Variants in LHFPL1 observed in about 807,000 individuals in gnomAD.
LHFPL1 encodes LHFPL tetraspan subfamily member 1, also known as LHFPL tetraspan subfamily member 1 protein.
In LHFPL1, 4 loss-of-function variants were observed where a neutral mutation model predicts 12.1. The ratio of observed to expected loss-of-function variants is 0.33; its 90% CI spans 0.16 to 0.76. The LOEUF (loss-of-function observed/expected upper bound fraction) is 0.76, where lower values mean the gene tolerates loss of function less well. Ranked by LOEUF, LHFPL1 falls within the 30% of genes least tolerant of loss-of-function variation. LHFPL1 has a pLI of 0.61. For missense variants in LHFPL1, 141 were observed against 174.1 expected (o/e 0.81, Z 1.07); for synonymous variants, 52 against 61.9 (o/e 0.84, Z 0.75).
At chrX:112,643,762 T>C (rs1156526120) in intron 3 of LHFPL1, among the ~76,000 whole-genome samples, 1 of 111,551 alleles carries the variant, frequency 9.0e-6, no homozygotes, top group African/African-American at 3.3e-5. Flanking sequence ...AAATTACTTA[T>C]CTATGGTGAT....
At chrX:112,657,057 T>C (rs965148667) in intron 3 of LHFPL1, among the ~76,000 whole-genome samples, 3 of 112,525 alleles carry the variant, frequency 2.7e-5, no homozygotes, top group East Asian at 2.8e-4. Flanking sequence ...TTTTGCACCA[T>C]TGCAAAGTTG....
intron 3 of LHFPL1, among the ~76,000 whole-genome samples, chrX:112,643,979 T>C (rs1383253255): frequency 7.1e-5 from 8 of 112,090 alleles, no homozygotes; most frequent in Non-Finnish European, 1.5e-4. Flanking sequence ...AGCAGCTGCT[T>C]AAGTTGCCTT....
At chrX:112,641,998 A>C (rs769517875) in intron 3 of LHFPL1, among the ~76,000 whole-genome samples, 7 of 111,481 alleles carry the variant, frequency 6.3e-5, no homozygotes, top group African/African-American at 2.3e-4. Flanking sequence ...CTCACAGTTC[A>C]CCAGGGTGAG....
At chrX:112,669,756 C>T (rs1025119082) in intron 2 of LHFPL1, among the ~76,000 whole-genome samples, 1 of 112,016 alleles carries the variant, frequency 8.9e-6, no homozygotes, top group Non-Finnish European at 1.9e-5. Flanking sequence ...CCCTCACCTT[C>T]ACCCACTTGA....
chrX:112,668,582 T>C (rs1314263745), intron 2 of LHFPL1, among the ~76,000 whole-genome samples: 1 of 112,916 alleles, frequency 8.9e-6, no homozygotes, highest in Non-Finnish European at 1.9e-5. Flanking sequence ...TATGTTCCTA[T>C]GAGCAAGGCT....
At chrX:112,658,426 A>G in intron 3 of LHFPL1, among the ~76,000 whole-genome samples, 1 of 106,213 alleles carries the variant, frequency 9.4e-6, no homozygotes, top group East Asian at 2.9e-4. Flanking sequence ...CTCCATCTCA[A>G]AAAACAAAAA....
intron 1 of LHFPL1, among the ~76,000 whole-genome samples, chrX:112,674,387 G>A (rs1931597051): frequency 9.0e-6 from 1 of 111,532 alleles, no homozygotes; most frequent in Admixed American, 9.5e-5. Context: ...CTTAGGCAAG[G>A]ATTTCATGAC....
At chrX:112,632,133 A>G (rs914910771) in intron 3 of LHFPL1, among the ~76,000 whole-genome samples, 1 of 111,686 alleles carries the variant, frequency 9.0e-6, no homozygotes, top group African/African-American at 3.3e-5. Flanking sequence ...AACCACAGTG[A>G]TAGAATACTG....
At chrX:112,672,437 T>G (rs1753744418) in intron 1 of LHFPL1, among the ~76,000 whole-genome samples, 1 of 110,294 alleles carries the variant, frequency 9.1e-6, no homozygotes, top group South Asian at 3.8e-4. Context: ...CCAACTCCAT[T>G]AATCTGCCAT....
intron 2 of LHFPL1, among the ~76,000 whole-genome samples, chrX:112,669,781 T>C (rs983027852): frequency 3.0e-4 from 33 of 111,644 alleles, no homozygotes; most frequent in African/African-American, 1.0e-3. Context: ...AGTAGGACCT[T>C]CCCCAAGTTG....
At chrX:112,651,888 G>A (rs772442350) in intron 3 of LHFPL1, among the ~76,000 whole-genome samples, 4 of 112,125 alleles carry the variant, frequency 3.6e-5, no homozygotes, top group Non-Finnish European at 3.8e-5. Flanking sequence ...TTGCAGTTAG[G>A]ATAAAATACA....
At chrX:112,667,214 T>C (rs1315024215) in intron 2 of LHFPL1, among the ~76,000 whole-genome samples, 1 of 112,046 alleles carries the variant, frequency 8.9e-6, no homozygotes, top group Non-Finnish European at 1.9e-5. Flanking sequence ...TTGAAGCATG[T>C]AATATTAGGA....
At chrX:112,637,571 A>G (rs1221944806) in intron 3 of LHFPL1, among the ~76,000 whole-genome samples, 2 of 112,166 alleles carry the variant, frequency 1.8e-5, no homozygotes, top group African/African-American at 6.5e-5. Flanking sequence ...AGAATGCTGG[A>G]GAGTGAATCC....
At chrX:112,671,472 G>A in intron 1 of LHFPL1, 68 bp from the exon 2 acceptor site, 2 of 1,199,593 alleles carry the variant, frequency 1.7e-6, no homozygotes, top group Non-Finnish European at 2.2e-6. Context: ...AGGCTCCACT[G>A]GCCTATTTTT....
chrX:112,658,463 AC>A (rs974354152), intron 3 of LHFPL1, among the ~76,000 whole-genome samples: 2 of 109,036 alleles, frequency 1.8e-5, no homozygotes, highest in African/African-American at 3.3e-5. Context: ...AAAAAAAAAA[AC>A]CAAGCAAATG....
chrX:112,663,565 C>T (rs1218779189), intron 2 of LHFPL1, among the ~76,000 whole-genome samples: 1 of 111,743 alleles, frequency 8.9e-6, no homozygotes, highest in Non-Finnish European at 1.9e-5. Flanking sequence ...GCTAATCTCT[C>T]CTTGTTACAG....
In LHFPL1 at chrX:112,671,091, T is replaced by C. The variant is rs1203399156; in HGVS notation, c.300A>G (p.Leu100=). ...CCATGCAGCAACCCAGGACAGCAGC[T>C]AGTGCCACCAGGAGCAGCAGAGCAC... The part of the protein sequence containing the change: ...AGCALLLLVA[L]AAVLGCCMEE... The change falls in exon 2 of 4, where the codon CTA becomes CTG. Residue 100 remains leucine (L), a synonymous_variant. Transcript: ENST00000371968. 1 of 1,210,424 alleles carries C rather than the reference T, an allele frequency of 8.3e-7. No homozygotes were observed. The highest frequency in any genetic ancestry group is 1.7e-5 in the African/African-American group (1 of 57,315).
intron 3 of LHFPL1, among the ~76,000 whole-genome samples, chrX:112,648,264 GTA>G (rs768099369): frequency 5.4e-5 from 6 of 111,053 alleles, no homozygotes; most frequent in Non-Finnish European, 1.1e-4. Flanking sequence ...CATGGCACGT[GTA>G]TACCTATGTA....
At chrX:112,649,416 C>T (rs985143613) in intron 3 of LHFPL1, among the ~76,000 whole-genome samples, 1 of 112,204 alleles carries the variant, frequency 8.9e-6, no homozygotes, top group Admixed American at 9.5e-5. Flanking sequence ...AACCTTTTCA[C>T]TGAAGGCCAT....
Sources: allele counts gnomAD v4.1 joint callset (sites outside exome capture counted in the v4.1 genomes callset), GRCh38; gene constraint gnomAD v4.1.1; transcripts MANE v1.5; gene names NCBI Gene and HGNC (gene_info 2026-07-23, HGNC 2026-07-21).